Variants in SLC35G1 observed in about 807,000 individuals in gnomAD.
The protein encoded by SLC35G1 is solute carrier family 35 member G1.
SLC35G1 carries 10 observed loss-of-function variants against 17.1 expected under a neutral mutation model. The observed-to-expected ratio is 0.59, with a 90% CI of 0.36 to 0.99. The LOEUF (loss-of-function observed/expected upper bound fraction) is 0.99, where lower values mean the gene tolerates loss of function less well. SLC35G1 is among the 50% of genes least tolerant of loss of function. The pLI is 0.01. For missense variants in SLC35G1, 433 were observed against 468.4 expected (o/e 0.92, Z 0.70); for synonymous variants, 185 against 181.1 (o/e 1.02, Z -0.18).
intron 1 of SLC35G1, among the ~76,000 whole-genome samples, chr10:93,897,018 G>A (rs1186474820): frequency 6.6e-6 from 1 of 152,176 alleles, no homozygotes; most frequent in Non-Finnish European, 1.5e-5. Context: ...GTATTTTGTG[G>A]TGCTTCACTT....
rs2060398702 is a variant in SLC35G1, at chr10:93,902,514, AATAG to A, written c.*1028_*1031del. The stretch of plus-strand genomic sequence containing the variant: ...ACCATCGTTTCATATGATTCACCCT[AATAG>A]ATACCTCCATTATTCTCTAAATGAA... On this transcript the variant is annotated 3_prime_UTR_variant, in exon 3 of 3. Transcript: ENST00000427197. 1.3e-5 allele frequency: 2 copies of A among 152,650 alleles called. No individual in the cohort carries two copies. The highest frequency in any genetic ancestry group is 2.9e-5 in the Non-Finnish European group (2 of 68,036). The allele number at this position is 152,650 out of a possible 1,614,324, so 9.5% of individuals were successfully genotyped here.
intron 2 of SLC35G1, 95 bp from the exon 3 acceptor site, chr10:93,900,657 A>G (rs962624757): frequency 2.0e-6 from 2 of 1,018,096 alleles, no homozygotes; most frequent in Middle Eastern, 3.1e-4. Flanking sequence ...ATTTTTTGAT[A>G]TTTAGTACTT....
chr10:93,895,211 C>T (rs2134063512), intron 1 of SLC35G1, among the ~76,000 whole-genome samples: 1 of 152,334 alleles, frequency 6.6e-6, no homozygotes, highest in East Asian at 1.9e-4. Context: ...GCTTTCCCCT[C>T]CTCCCTTTGT....
chr10:93,900,236 T>C (rs1386116533), intron 2 of SLC35G1, among the ~76,000 whole-genome samples: 2 of 152,244 alleles, frequency 1.3e-5, no homozygotes, highest in Non-Finnish European at 2.9e-5. Context: ...TCAAGTTTTA[T>C]AGAAAAATTC....
chr10:93,903,528 G>A lies in SLC35G1; in HGVS notation c.*2038G>A, dbSNP rs3088126. 76,467 of 151,996 alleles carry A rather than the reference G, an allele frequency of 0.5. 19,694 individuals carry two copies. The highest frequency in any genetic ancestry group is 0.85 in the East Asian group (4,360 of 5,158). The allele number at this position is 151,996 out of a possible 1,614,324, so 9.4% of individuals were successfully genotyped here. ...TTTACCTTGCACAGTGAAAGAATCA[G>A]TGGCACCTAGAAAGTTAAATCCCTT... On this transcript the variant is annotated 3_prime_UTR_variant, in exon 3 of 3. Coordinates refer to ENST00000427197, the MANE Select transcript of SLC35G1 (RefSeq NM_001134658.3).
Position 93,894,059 on chromosome 10 carries a change from T to G in SLC35G1, c.26T>G (p.Val9Gly), listed in dbSNP as rs1443275718. The G allele has an allele frequency of 6.8e-6, 10 of 1,479,628 alleles. No individual in the cohort carries two copies. Among genetic ancestry groups the G allele is most frequent in the Non-Finnish European group, 7.1e-6 (8 of 1,123,708 alleles). The allele number at this position is 1,479,628 out of a possible 1,614,324, so 91.7% of individuals were successfully genotyped here. Reference protein sequence around the residue: MRPQDSTGVAELQEPGLPL... With the variant: MRPQDSTGGAELQEPGLPL... The stretch of plus-strand genomic sequence containing the variant: ...ATGCGGCCTCAGGACAGCACCGGGG[T>G]CGCGGAGCTCCAGGAGCCCGGGCTG... The change falls in exon 1 of 3, where the codon GTC becomes GGC. Residue 9 changes from valine to glycine, a missense_variant. Physicochemically the swap from Val to Gly is moderately radical, Grantham distance 109 (BLOSUM62 -3). Transcript: ENST00000427197.
At chr10:93,899,297 C>A (rs2060359755) in intron 2 of SLC35G1, among the ~76,000 whole-genome samples, 1 of 152,102 alleles carries the variant, frequency 6.6e-6, no homozygotes, top group African/African-American at 2.4e-5. Flanking sequence ...CAAGGTGATT[C>A]CAAGGGTCAA....
At chr10:93,906,987 A>G (rs374929090), downstream of SLC35G1, 1 of 152,320 alleles carries the variant, frequency 6.6e-6, no homozygotes, top group African/African-American at 2.4e-5. Context: ...CTATCAAGCC[A>G]GGTTTGCAAA....
In SLC35G1 at chr10:93,901,087, C is replaced by G. The variant is rs1314245876; in HGVS notation, c.695C>G (p.Ala232Gly). Residue 232 changes from alanine to glycine, a missense_variant, in exon 3 of 3, where the codon GCC becomes GGC. Ala to Gly is a moderately conservative substitution (Grantham distance 60). Coordinates refer to ENST00000427197, the MANE Select transcript of SLC35G1 (RefSeq NM_001134658.3). ...GGAACATTCGCAGCAATTGGAAGTGCCGTATTTGCTGCATCGACTCTAGTT... is the reference window on the plus strand; with the variant it reads ...GGAACATTCGCAGCAATTGGAAGTGGCGTATTTGCTGCATCGACTCTAGTT... ...LKGTFAAIGS[A>G]VFAASTLVIL... The G allele has an allele frequency of 6.2e-7, 1 of 1,613,930 alleles. No individual in the cohort carries two copies. Among genetic ancestry groups the G allele is most frequent in the African/African-American group, 1.3e-5 (1 of 74,896 alleles).
chr10:93,904,827 T>A (rs2060418267), downstream of SLC35G1, among the ~76,000 whole-genome samples: 1 of 152,214 alleles, frequency 6.6e-6, no homozygotes. Flanking sequence ...GAACTGTGGT[T>A]AAGACTGTAG....
rs781281848 is a variant in SLC35G1, at chr10:93,898,793, G to A, written c.359+42G>A. ...TGCAAAGTAGAAGATATTAATAAATGTGTGTATATCTTTTCACCTGCCTAT... is the reference window on the plus strand; with the variant it reads ...TGCAAAGTAGAAGATATTAATAAATATGTGTATATCTTTTCACCTGCCTAT... On this transcript the variant is annotated intron_variant, in intron 2 of 2. Coordinates refer to ENST00000427197, the MANE Select transcript of SLC35G1 (RefSeq NM_001134658.3). 1.3e-5 allele frequency: 20 copies of A among 1,548,806 alleles called. No individual in the cohort carries two copies. In the East Asian group the frequency reaches 2.2e-4, roughly 17 times the overall value.
chr10:93,894,394 C>A, intron 1 of SLC35G1, among the ~76,000 whole-genome samples, 183 bp downstream of exon 1: 1 of 152,136 alleles, frequency 6.6e-6, no homozygotes, highest in Non-Finnish European at 1.5e-5. Context: ...CCCGGCGCCC[C>A]AGCCGGCGCT....
Position 93,900,970 on chromosome 10 carries a change from C to T in SLC35G1, c.578C>T (p.Thr193Ile). The change falls in exon 3 of 3, where the codon ACA (threonine) becomes ATA (isoleucine). Residue 193 changes from threonine (T) to isoleucine (I), a missense_variant. By Grantham distance (89) the Thr-to-Ile change is moderately conservative. Coordinates refer to ENST00000427197, the MANE Select transcript of SLC35G1 (RefSeq NM_001134658.3). ...SPWDALFTVFTITGVILIVRP... is the reference protein window; with the variant it reads ...SPWDALFTVFIITGVILIVRP... ...TGGGATGCTCTTTTCACCGTGTTCA[C>T]AATCACTGGAGTGATCCTTATCGTG... 6.2e-7 allele frequency: 1 copy of T among 1,614,096 alleles called. No individual in the cohort carries two copies. Among genetic ancestry groups the T allele is most frequent in the Non-Finnish European group, 8.5e-7 (1 of 1,179,992 alleles).
At chr10:93,894,837 C>A (rs2060315273) in intron 1 of SLC35G1, among the ~76,000 whole-genome samples, 1 of 152,176 alleles carries the variant, frequency 6.6e-6, no homozygotes, top group Admixed American at 6.5e-5. Flanking sequence ...ACTTTATGTT[C>A]AGTCCCCCTC....
At chr10:93,894,905 G>A (rs1386339816) in intron 1 of SLC35G1, among the ~76,000 whole-genome samples, 1 of 152,152 alleles carries the variant, frequency 6.6e-6, no homozygotes, top group African/African-American at 2.4e-5. Flanking sequence ...GTTTTCGTTT[G>A]CTTTGTCTCC....
rs1022082584 is a variant in SLC35G1 at position 93,903,799 on chromosome 10, TAATAA to T, written c.*2315_*2319del. ...TTTCATAAATTGTTTTTATAAGTACTAATAAAATAATATGAAAGAAAGCTATATGT... is the reference window on the plus strand; with the variant it reads ...TTTCATAAATTGTTTTTATAAGTACTAATAATATGAAAGAAAGCTATATGT... On this transcript the variant is annotated 3_prime_UTR_variant, in exon 3 of 3. Transcript: ENST00000427197. 8 of 152,248 alleles carry T rather than the reference TAATAA, an allele frequency of 5.3e-5. No individual in the cohort carries two copies. The highest frequency in any genetic ancestry group is 3.8e-4 in the East Asian group (2 of 5,204). 9.4% of individuals were successfully genotyped at this position (152,248 alleles called of 1,614,324 possible).
Position 93,900,999 on chromosome 10 carries a change from C to T in SLC35G1, c.607C>T (p.Pro203Ser). The T allele has an allele frequency of 6.2e-7, 1 of 1,614,060 alleles. No individual in the cohort carries two copies. The highest frequency in any genetic ancestry group is 8.5e-7 in the Non-Finnish European group (1 of 1,179,988). ...CACTGGAGTGATCCTTATCGTGAGA[C>T]CACCATTTTTGTTTGGTTCCGACAC... Reference protein sequence around the residue: ...TITGVILIVRPPFLFGSDTSG... With the variant: ...TITGVILIVRSPFLFGSDTSG... Residue 203 changes from proline to serine, a missense_variant, in exon 3 of 3, where the codon CCA becomes TCA. Coordinates refer to ENST00000427197, the MANE Select transcript of SLC35G1 (RefSeq NM_001134658.3).
In SLC35G1 at chr10:93,903,206, A is replaced by G. The variant is rs546558396; in HGVS notation, c.*1716A>G. ...GACAAACCCTAAATGAAGTCTATGT[A>G]GGTGAGTCATCTCTGTTCCACCTGA... On this transcript the variant is annotated 3_prime_UTR_variant, in exon 3 of 3. Coordinates refer to ENST00000427197, the MANE Select transcript of SLC35G1 (RefSeq NM_001134658.3). The G allele has an allele frequency of 5.9e-5, 9 of 152,332 alleles. No individual in the cohort carries two copies. The East Asian group carries it at 1.7e-3, about 29-fold the overall frequency. 9.4% of individuals were successfully genotyped at this position (152,332 alleles called of 1,614,324 possible). A position where few individuals can be genotyped will look rare whatever the true frequency, so the allele number is the denominator to read the frequency against.
At chr10:93,904,090 C>T (rs1295010001), downstream of SLC35G1, among the ~76,000 whole-genome samples, 1 of 152,204 alleles carries the variant, frequency 6.6e-6, no homozygotes, top group Non-Finnish European at 1.5e-5. Context: ...TAGCTTTGAA[C>T]TCTGTACTTT....
Sources: gnomAD v4.1 joint callset for allele counts (sites outside exome capture counted in the v4.1 genomes callset) on GRCh38, gnomAD v4.1.1 for gene constraint, MANE v1.5 for transcripts, NCBI Gene and HGNC (gene_info 2026-07-23, HGNC 2026-07-21) for gene names.